The following NALCN variants were observed in gnomAD, a reference collection of about 807,000 sequenced individuals.
The protein encoded by NALCN is sodium leak channel NALCN.
In NALCN, 111 loss-of-function variants were observed where a neutral mutation model predicts 225.3. The ratio of observed to expected loss-of-function variants is 0.49; its 90% CI spans 0.42 to 0.58. NALCN has a LOEUF of 0.58. Ranked by LOEUF, NALCN falls within the 20% of genes least tolerant of loss-of-function variation. The pLI is 0.00. For missense variants in NALCN, 1,378 were observed against 2,202.4 expected (o/e 0.63, Z 7.49); for synonymous variants, 764 against 769.0 (o/e 0.99, Z 0.11).
intron 14 of NALCN, among the ~76,000 whole-genome samples, chr13:101,182,100 C>G (rs1477313382): frequency 7.4e-6 from 1 of 134,818 alleles, no homozygotes; most frequent in African/African-American, 2.8e-5. Context: ...TGCCACTGCA[C>G]TCCAGCCTGG....
chr13:101,376,701 C>T lies in NALCN; in HGVS notation c.643G>A (p.Gly215Arg). 6.3e-7 allele frequency: 1 copy of T among 1,593,300 alleles called. No individual in the cohort carries two copies. Among genetic ancestry groups the T allele is most frequent in the Non-Finnish European group, 8.5e-7 (1 of 1,174,678 alleles). ...YHCVVNDTKP[G>R]NVTWNSLAIP... The stretch of plus-strand genomic sequence containing the variant: ...AATGCAGTTAATAGATAAACTTACC[C>T]TGGCTTTGTGTCATTTACAACACAG... Residue 215 changes from glycine (G) to arginine (R), a missense_variant and splice_region_variant, in exon 6 of 44, where the codon GGG becomes AGG. Physicochemically the swap from Gly to Arg is moderately radical, Grantham distance 125 (BLOSUM62 -2). Transcript: ENST00000251127.
intron 36 of NALCN, among the ~76,000 whole-genome samples, 178 bp from the exon 37 acceptor site, chr13:101,073,855 C>G (rs1489608074): frequency 6.6e-6 from 1 of 152,108 alleles, no homozygotes; most frequent in African/African-American, 2.4e-5. Context: ...CCAAGTATAG[C>G]CGTCTGAACA....
At chr13:101,063,573 T>TCTGA (rs1483048127) in intron 40 of NALCN, among the ~76,000 whole-genome samples, 2 of 152,206 alleles carry the variant, frequency 1.3e-5, no homozygotes, top group African/African-American at 4.8e-5. Flanking sequence ...TCAGAAACAT[T>TCTGA]CTGACAGAGA....
intron 15 of NALCN, among the ~76,000 whole-genome samples, chr13:101,147,681 G>T (rs1305688335): frequency 6.6e-6 from 1 of 152,140 alleles, no homozygotes; most frequent in Non-Finnish European, 1.5e-5. Flanking sequence ...CGGGACTACA[G>T]GTGCGAGCTG....
chr13:101,363,486 G>A (rs2139372653), intron 6 of NALCN, among the ~76,000 whole-genome samples: 1 of 152,174 alleles, frequency 6.6e-6, no homozygotes, highest in Non-Finnish European at 1.5e-5. Context: ...ATTAAGGAAA[G>A]GACAGTCTCT....
At position 101,089,601 on chromosome 13, in the gene NALCN, T is replaced by G; in HGVS notation, c.3489+62A>C. Reference sequence around the variant, plus strand: ...CACGCCGCGTGTGAAAAGAAACAAATAGCTCAAAGTGAGTGGCTAGAAAAG... The same window carrying G: ...CACGCCGCGTGTGAAAAGAAACAAAGAGCTCAAAGTGAGTGGCTAGAAAAG... On this transcript the variant is annotated intron_variant, in intron 30 of 43. Transcript: ENST00000251127. The surrounding 1 kb of genome is among the most constrained non-coding windows in gnomAD (Gnocchi z 4.7). The G allele has an allele frequency of 6.8e-7, 1 of 1,464,702 alleles. No individual in the cohort carries two copies. The highest frequency in any genetic ancestry group is 9.5e-7 in the Non-Finnish European group (1 of 1,054,296). 90.7% of individuals were successfully genotyped at this position (1,464,702 alleles called of 1,614,324 possible).
At chr13:101,339,069 A>G (rs1328300519) in intron 7 of NALCN, among the ~76,000 whole-genome samples, 1 of 152,184 alleles carries the variant, frequency 6.6e-6, no homozygotes, top group Non-Finnish European at 1.5e-5. Flanking sequence ...CTCAGCTTTT[A>G]TGTCTCATAT....
chr13:101,225,282 C>T (rs1043329509), intron 13 of NALCN, among the ~76,000 whole-genome samples: 2 of 152,234 alleles, frequency 1.3e-5, no homozygotes, highest in African/African-American at 2.4e-5. Flanking sequence ...TCTTTTTATG[C>T]GGTACCAACA....
At chr13:101,211,666 A>C (rs1010352389) in intron 13 of NALCN, among the ~76,000 whole-genome samples, 7 of 150,274 alleles carry the variant, frequency 4.7e-5, no homozygotes, top group African/African-American at 1.5e-4. Flanking sequence ...ATATATATAT[A>C]TATCTCATGG....
intron 7 of NALCN, among the ~76,000 whole-genome samples, chr13:101,340,158 A>G (rs1330859050): frequency 6.6e-6 from 1 of 152,022 alleles, no homozygotes; most frequent in Non-Finnish European, 1.5e-5. Flanking sequence ...GTCCCAGCTA[A>G]CTGGGAGGCA....
rs1205160787 is a variant in NALCN, at chr13:101,073,696, A to G, written c.4104-19T>C. 20 of 1,592,534 alleles carry G rather than the reference A, an allele frequency of 1.3e-5. No individual in the cohort carries two copies. Among genetic ancestry groups the G allele is most frequent in the Non-Finnish European group, 1.5e-5 (18 of 1,163,626 alleles). On this transcript the variant is annotated intron_variant, in intron 36 of 43. Coordinates refer to ENST00000251127, the MANE Select transcript of NALCN (RefSeq NM_052867.4). ...TGCATGCCTAATTTAAGAAAAAAAA[A>G]TTAACAGAATGTGAATTATAGAAGG...
intron 15 of NALCN, among the ~76,000 whole-genome samples, chr13:101,164,766 A>G (rs1031582755): frequency 2.6e-5 from 4 of 152,338 alleles, no homozygotes; most frequent in South Asian, 2.1e-4. Context: ...AACATTTATT[A>G]TAAAAGTAAG....
At chr13:101,169,788 C>A (rs1484857862) in intron 15 of NALCN, among the ~76,000 whole-genome samples, 1 of 152,146 alleles carries the variant, frequency 6.6e-6, no homozygotes, top group Non-Finnish European at 1.5e-5. Flanking sequence ...ATGTTAGTTG[C>A]CACGTCTTTA....
chr13:101,199,901 A>T (rs1045353387), intron 13 of NALCN, among the ~76,000 whole-genome samples: 4 of 152,314 alleles, frequency 2.6e-5, no homozygotes, highest in Admixed American at 6.5e-5. Context: ...AGAGCACTGC[A>T]CTACAGAGCC....
At chr13:101,348,431 T>C in intron 6 of NALCN, among the ~76,000 whole-genome samples, 1 of 152,172 alleles carries the variant, frequency 6.6e-6, no homozygotes, top group East Asian at 1.9e-4. Flanking sequence ...AAGTTGTAGA[T>C]TTCCTAGATT....
chr13:101,181,207 G>A (rs372755081), intron 14 of NALCN: 4 of 518,744 alleles, frequency 7.7e-6, no homozygotes, highest in African/African-American at 7.7e-5. Context: ...CATTCCAGGT[G>A]GTGTGGTGAG....
chr13:101,073,100 A>T (rs2033008430), intron 37 of NALCN, among the ~76,000 whole-genome samples: 1 of 152,208 alleles, frequency 6.6e-6, no homozygotes, highest in African/African-American at 2.4e-5. Flanking sequence ...GACCAGAAGG[A>T]TGATGCTTGG....
chr13:101,410,694 T>C (rs974402800), intron 1 of NALCN, among the ~76,000 whole-genome samples: 2 of 152,206 alleles, frequency 1.3e-5, no homozygotes, highest in African/African-American at 2.4e-5. Flanking sequence ...AGTAATCTCA[T>C]GTGAATTTCA....
intron 3 of NALCN, among the ~76,000 whole-genome samples, chr13:101,383,240 G>C (rs1004362291): frequency 2.0e-5 from 3 of 152,082 alleles, no homozygotes; most frequent in Non-Finnish European, 2.9e-5. Context: ...CTCAGCTCAT[G>C]TATATAAATA....
Sources: gnomAD v4.1 joint callset for allele counts (sites outside exome capture counted in the v4.1 genomes callset) on GRCh38, gnomAD v4.1.1 for gene constraint, Gnocchi (gnomAD v3.1) non-coding constraint, MANE v1.5 for transcripts, NCBI Gene and HGNC (gene_info 2026-07-23, HGNC 2026-07-21) for gene names.